The following ROPN1L variants were observed in gnomAD, a reference collection of about 807,000 sequenced individuals.
ROPN1L encodes the protein ropporin-1-like protein.
A neutral mutation model predicts 22.7 loss-of-function variants in ROPN1L; 23 were observed. The ratio of observed to expected loss-of-function variants is 1.01; its 90% CI spans 0.73 to 1.43. The LOEUF is 1.43. ROPN1L is among the 40% of genes most tolerant of loss of function. The pLI, the probability that ROPN1L is intolerant of heterozygous loss-of-function variation, is 0.00. For missense variants in ROPN1L, 271 were observed against 291.5 expected (o/e 0.93, Z 0.51); for synonymous variants, 116 against 117.8 (o/e 0.98, Z 0.10).
At chr5:10,443,804 G>T (rs113857960) in intron 1 of ROPN1L, among the ~76,000 whole-genome samples, 7,653 of 152,140 alleles carry the variant, frequency 0.05, 662 homozygotes, top group African/African-American at 0.17. Flanking sequence ...TTTCTTGGAC[G>T]CCTTGGCTCA....
downstream of ROPN1L, chr5:10,465,038 T>C (rs1384322393): frequency 3.2e-6 from 2 of 626,988 alleles, no homozygotes; most frequent in East Asian, 5.7e-5. Flanking sequence ...ACCTCTGTAG[T>C]GTGAGTGTTT....
At chr5:10,476,137 G>T (rs1465398581), downstream of ROPN1L, among the ~76,000 whole-genome samples, 2 of 152,258 alleles carry the variant, frequency 1.3e-5, no homozygotes, top group Non-Finnish European at 2.9e-5. Flanking sequence ...TTGCACAGCA[G>T]GCTGCGAAAT....
intron 3 of ROPN1L, among the ~76,000 whole-genome samples, chr5:10,453,778 G>A (rs565299947): frequency 6.6e-6 from 1 of 152,246 alleles, no homozygotes; most frequent in East Asian, 1.9e-4. Flanking sequence ...GGAAACCTCT[G>A]CTTCAATTTC....
intron 4 of ROPN1L, among the ~76,000 whole-genome samples, chr5:10,471,119 G>A (rs114735740): frequency 6.6e-6 from 1 of 152,114 alleles, no homozygotes; most frequent in South Asian, 2.1e-4. Context: ...GGGAGAATTT[G>A]TTCCTTGATT....
chr5:10,459,389 A>ACCGGGTTCCCGCCTTCCACC (rs1734962746), intron 3 of ROPN1L, among the ~76,000 whole-genome samples: 1 of 149,906 alleles, frequency 6.7e-6, no homozygotes. Flanking sequence ...CACCCTCATC[A>ACCGGGTTCCCGCCTTCCACC]CTTCTCTTCA....
downstream of ROPN1L, among the ~76,000 whole-genome samples, chr5:10,474,169 A>G (rs1181388505): frequency 2.6e-5 from 4 of 152,014 alleles, no homozygotes; most frequent in Non-Finnish European, 5.9e-5. Context: ...GGAAAAAAAA[A>G]AAAAAAAGGA....
At chr5:10,451,615 C>T (rs1021421344) in intron 3 of ROPN1L, among the ~76,000 whole-genome samples, 2 of 152,206 alleles carry the variant, frequency 1.3e-5, no homozygotes, top group African/African-American at 2.4e-5. Context: ...CTGAGTGTGG[C>T]GCAGTTCACC....
intron 4 of ROPN1L, among the ~76,000 whole-genome samples, chr5:10,462,325 C>T (rs141745575): frequency 1.6e-3 from 250 of 152,316 alleles, no homozygotes; most frequent in African/African-American, 5.4e-3. Context: ...TTTGTCCCAA[C>T]GAATCCCGTG....
chr5:10,479,481 A>G, the ROPN1L span: 1 of 152,246 alleles, frequency 6.6e-6, no homozygotes. Flanking sequence ...CACGGGCTGC[A>G]GAGTTCACAC....
chr5:10,476,343 C>T (rs1157646656), downstream of ROPN1L, among the ~76,000 whole-genome samples: 1 of 152,240 alleles, frequency 6.6e-6, no homozygotes, highest in Admixed American at 6.5e-5. Flanking sequence ...GTGGGAAATA[C>T]GTGCCTCATC....
chr5:10,468,339 G>T (rs189467795), downstream of ROPN1L, among the ~76,000 whole-genome samples: 128 of 152,358 alleles, frequency 8.4e-4, no homozygotes, highest in African/African-American at 3.0e-3. Flanking sequence ...TGAGCAAAAA[G>T]TGGATTGTTT....
At chr5:10,463,436 G>C (rs911958136) in intron 4 of ROPN1L, among the ~76,000 whole-genome samples, 7 of 152,178 alleles carry the variant, frequency 4.6e-5, no homozygotes, top group African/African-American at 1.7e-4. Context: ...CGCAGGGTCC[G>C]GGGAGCTGTG....
At chr5:10,465,514 C>A (rs1175183757), downstream of ROPN1L, among the ~76,000 whole-genome samples, 56 of 137,220 alleles carry the variant, frequency 4.1e-4, no homozygotes, top group East Asian at 3.4e-3. Context: ...GACTCCGTCT[C>A]AAAAAAAAAC....
At chr5:10,476,076 C>T (rs115220355), downstream of ROPN1L, among the ~76,000 whole-genome samples, 1,011 of 152,378 alleles carry the variant, frequency 6.6e-3, 9 homozygotes, top group African/African-American at 0.024. Context: ...TGTCTATTAC[C>T]TCCCCTCACA....
intron 4 of ROPN1L, among the ~76,000 whole-genome samples, chr5:10,463,473 G>GGCC (rs1435039314): frequency 6.6e-6 from 1 of 152,110 alleles, no homozygotes; most frequent in Non-Finnish European, 1.5e-5. Flanking sequence ...CTGGTTAACA[G>GGCC]CAAGAAAGGG....
chr5:10,447,778 G>A (rs1389673562), intron 1 of ROPN1L, among the ~76,000 whole-genome samples: 1 of 152,236 alleles, frequency 6.6e-6, no homozygotes, highest in Non-Finnish European at 1.5e-5. Context: ...CTACTCAGGA[G>A]GCTGAGGCGG....
In ROPN1L at chr5:10,464,849, G is replaced by A. The variant is rs764314708; in HGVS notation, c.595G>A (p.Asp199Asn). Residue 199 changes from aspartate (D) to asparagine (N), a missense_variant and splice_region_variant, in exon 5 of 5, where the codon GAC (aspartate) becomes AAC (asparagine). Physicochemically the swap from Asp to Asn is conservative, Grantham distance 23. Transcript: ENST00000274134. ...TATCTTTATCTGTTTCCAATTTAGA[G>A]ACGCCAGGAAGAACGGCATGATAGG... Reference protein sequence around the residue: ...SYLASLKENIDARKNGMIGLS... With the variant: ...SYLASLKENINARKNGMIGLS... The A allele has an allele frequency of 3.5e-5, 55 of 1,573,806 alleles. No individual in the cohort carries two copies. Among genetic ancestry groups the A allele is most frequent in the Non-Finnish European group, 8.6e-7 (1 of 1,159,990 alleles).
downstream of ROPN1L, among the ~76,000 whole-genome samples, chr5:10,468,791 GGA>G (rs1372848562): frequency 6.6e-6 from 1 of 152,166 alleles, no homozygotes; most frequent in Non-Finnish European, 1.5e-5. Context: ...GCTATCACGT[GGA>G]GAGGAGGCCA....
chr5:10,451,284 G>C (rs778756667), intron 3 of ROPN1L, among the ~76,000 whole-genome samples: 1 of 152,136 alleles, frequency 6.6e-6, no homozygotes, highest in African/African-American at 2.4e-5. Context: ...CACCCGCAAG[G>C]CTACCCAATG....
Sources: gnomAD v4.1 joint callset for allele counts (sites outside exome capture counted in the v4.1 genomes callset) on GRCh38, gnomAD v4.1.1 for gene constraint, MANE v1.5 for transcripts, NCBI Gene and HGNC (gene_info 2026-07-23, HGNC 2026-07-21) for gene names.